The following NFIA variants were observed in gnomAD, a reference collection of about 807,000 sequenced individuals.
The protein encoded by NFIA is nuclear factor 1 A-type.
NFIA carries 8 observed loss-of-function variants against 62.8 expected under a neutral mutation model. The observed-to-expected ratio is 0.13, with a 90% CI of 0.07 to 0.23. NFIA has a LOEUF of 0.23. NFIA is among the 10% of genes least tolerant of loss of function. The pLI is 1.00. For missense variants in NFIA, 410 were observed against 642.1 expected (o/e 0.64, Z 3.91); for synonymous variants, 235 against 238.1 (o/e 0.99, Z 0.12).
chr1:61,390,776 A>G (rs961925031), intron 7 of NFIA, among the ~76,000 whole-genome samples: 25 of 152,224 alleles, frequency 1.6e-4, no homozygotes, highest in African/African-American at 4.8e-4. Context: ...GGCAGGGCCT[A>G]TTAGGGCAAG....
At chr1:61,362,733 G>A (rs916873453) in intron 6 of NFIA, among the ~76,000 whole-genome samples, 4 of 152,180 alleles carry the variant, frequency 2.6e-5, no homozygotes, top group Admixed American at 1.3e-4. Flanking sequence ...ACTTCAGAAT[G>A]ACTTTCGCTT....
At chr1:61,280,623 T>C (rs1182771344) in intron 3 of NFIA, among the ~76,000 whole-genome samples, 1 of 152,226 alleles carries the variant, frequency 6.6e-6, no homozygotes, top group Non-Finnish European at 1.5e-5. Context: ...CATGTAACTT[T>C]ACATAAAGTG....
intron 3 of NFIA, among the ~76,000 whole-genome samples, chr1:61,328,706 A>G (rs907314806): frequency 2.0e-5 from 3 of 147,688 alleles, no homozygotes; most frequent in Non-Finnish European, 4.5e-5. Context: ...GGCATAAACC[A>G]CCGCACCCGG....
chr1:61,348,288 TA>T (rs1436513900), intron 4 of NFIA, among the ~76,000 whole-genome samples: 2 of 152,258 alleles, frequency 1.3e-5, no homozygotes, highest in African/African-American at 4.8e-5. Context: ...GATGTTCCTT[TA>T]TAAGACTCTT....
intron 10 of NFIA, among the ~76,000 whole-genome samples, chr1:61,435,430 A>G (rs78547188): frequency 6.6e-6 from 1 of 152,118 alleles, no homozygotes; most frequent in Non-Finnish European, 1.5e-5. Context: ...CACGAGGCCA[A>G]CAGGAACCCA....
intron 3 of NFIA, among the ~76,000 whole-genome samples, chr1:61,286,929 C>A (rs1022386097): frequency 6.6e-6 from 1 of 152,028 alleles, no homozygotes; most frequent in Non-Finnish European, 1.5e-5. Context: ...ATATAACAGC[C>A]CTGAGACATG....
chr1:61,099,367 A>G (rs1646470863), intron 2 of NFIA, among the ~76,000 whole-genome samples: 2 of 152,296 alleles, frequency 1.3e-5, no homozygotes, highest in Admixed American at 1.3e-4. Context: ...TTTACTATCA[A>G]GTCACCCAGT....
chr1:61,156,333 A>G (rs1244635843), intron 2 of NFIA, among the ~76,000 whole-genome samples: 1 of 152,074 alleles, frequency 6.6e-6, no homozygotes, highest in Non-Finnish European at 1.5e-5. Context: ...GTCAGCCCTC[A>G]TTTGCCATGT....
At chr1:61,213,395 A>T (rs1653389615) in intron 2 of NFIA, among the ~76,000 whole-genome samples, 1 of 152,208 alleles carries the variant, frequency 6.6e-6, no homozygotes, top group African/African-American at 2.4e-5. Context: ...GTTCACATGA[A>T]ACAGACTGCA....
intron 2 of NFIA, among the ~76,000 whole-genome samples, chr1:61,123,835 T>C (rs1485451834): frequency 1.3e-5 from 2 of 152,202 alleles, no homozygotes; most frequent in Admixed American, 1.3e-4. Flanking sequence ...GGCATTGGTA[T>C]AAAGCTGATG....
chr1:61,441,474 T>A (rs1667580990), intron 10 of NFIA, among the ~76,000 whole-genome samples: 1 of 150,594 alleles, frequency 6.6e-6, no homozygotes, highest in African/African-American at 2.5e-5. Flanking sequence ...GCAAACACTT[T>A]AAAGTGCTTC....
At position 61,219,496 on chromosome 1, in the gene NFIA, C is replaced by T. The variant is rs547033695; in HGVS notation, c.560-58024C>T. On this transcript the variant is annotated intron_variant, in intron 2 of 10. Transcript: ENST00000403491. Reference sequence around the variant, plus strand: ...TTAGGAGGCTGAGGCAGGCGGATCACGAGGTCAGGATATCGAGACCCTCCT... The same window carrying T: ...TTAGGAGGCTGAGGCAGGCGGATCATGAGGTCAGGATATCGAGACCCTCCT... Among the ~76,000 whole-genome samples the T allele has an allele frequency of 9.9e-5, 15 of 152,022 alleles. No homozygotes were observed. In the South Asian group the frequency reaches 2.9e-3, roughly 29 times the overall value.
At chr1:61,365,064 G>A (rs371289320) in intron 6 of NFIA, among the ~76,000 whole-genome samples, 4 of 152,128 alleles carry the variant, frequency 2.6e-5, no homozygotes, top group South Asian at 2.1e-4. Context: ...GTGTGTGCCC[G>A]TAGTCCCAGC....
At chr1:61,400,213 C>T (rs1379786516) in intron 7 of NFIA, among the ~76,000 whole-genome samples, 2 of 152,292 alleles carry the variant, frequency 1.3e-5, no homozygotes, top group East Asian at 1.9e-4. Context: ...TGTTTCTTTT[C>T]GTTGTGGCTA....
At chr1:61,292,204 T>G (rs1371032099) in intron 3 of NFIA, among the ~76,000 whole-genome samples, 2 of 152,180 alleles carry the variant, frequency 1.3e-5, no homozygotes, top group Non-Finnish European at 1.5e-5. Context: ...CTCCAGTGAT[T>G]TCTTTGGACA....
chr1:61,160,632 C>T (rs1016628914), intron 2 of NFIA, among the ~76,000 whole-genome samples: 2 of 152,122 alleles, frequency 1.3e-5, no homozygotes, highest in African/African-American at 4.8e-5. Context: ...CTCTGGAACT[C>T]GGAATAGATT....
chr1:61,086,815 A>C (rs1459399674), intron 1 of NFIA, among the ~76,000 whole-genome samples: 2 of 152,170 alleles, frequency 1.3e-5, no homozygotes, highest in Non-Finnish European at 2.9e-5. Flanking sequence ...CATTACTGCT[A>C]CCTGTGCCTT....
chr1:61,148,063 A>G (rs1329948306), intron 2 of NFIA, among the ~76,000 whole-genome samples: 4 of 152,154 alleles, frequency 2.6e-5, no homozygotes, highest in Admixed American at 6.5e-5. Context: ...CTCAACATTA[A>G]CTAGCTGTTT....
chr1:61,417,216 A>C (rs1371883287), intron 9 of NFIA, among the ~76,000 whole-genome samples: 1 of 150,890 alleles, frequency 6.6e-6, no homozygotes, highest in East Asian at 1.9e-4. Context: ...AAAGAAAATT[A>C]TATTCTCCCA....
Sources: gnomAD v4.1 joint callset for allele counts (sites outside exome capture counted in the v4.1 genomes callset) on GRCh38, gnomAD v4.1.1 for gene constraint, MANE v1.5 for transcripts, NCBI Gene and HGNC (gene_info 2026-07-23, HGNC 2026-07-21) for gene names.